MYH10: variants seen among roughly 807,000 people sequenced by gnomAD.
MYH10 encodes myosin-10.
Under a neutral mutation model 257.8 loss-of-function variants are expected in MYH10, and 55 were observed. The observed-to-expected ratio is 0.21, with a 90% CI of 0.17 to 0.27. The LOEUF (loss-of-function observed/expected upper bound fraction) is 0.27, where lower values mean the gene tolerates loss of function less well. Among genes scored for constraint, MYH10 ranks in the 10% least tolerant of loss-of-function variants. The pLI is 1.00. For synonymous variants in MYH10, 854 were observed against 921.7 expected (o/e 0.93, Z 1.33); for missense variants, 1,631 against 2,500.6 (o/e 0.65, Z 7.42).
In MYH10 at chr17:8,496,836, G is replaced by A. The variant is rs148976720; in HGVS notation, c.3952-1595C>T. On this transcript the variant is annotated intron_variant, in intron 30 of 42. Transcript: ENST00000360416. The stretch of plus-strand genomic sequence containing the variant: ...CACTATTTCCTGAACAATAAGGGTG[G>A]CTTTTCTCTAAACTGTCCATGTAAA... Among the ~76,000 whole-genome samples, 3 of 152,266 alleles carry A rather than the reference G, an allele frequency of 2.0e-5. No homozygotes were observed. In the East Asian group the frequency reaches 5.8e-4, roughly 29 times the overall value.
chr17:8,494,921 C>T (rs907383523), intron 31 of MYH10, among the ~76,000 whole-genome samples: 5 of 152,240 alleles, frequency 3.3e-5, no homozygotes, highest in African/African-American at 7.2e-5. Flanking sequence ...AGGCCACCCA[C>T]GTGCCTGCCA....
chr17:8,543,146 T>A (rs2082338747), intron 13 of MYH10, among the ~76,000 whole-genome samples: 1 of 152,226 alleles, frequency 6.6e-6, no homozygotes, highest in African/African-American at 2.4e-5. Flanking sequence ...CACAGCTGCA[T>A]GTGCCCATAA....
intron 2 of MYH10, among the ~76,000 whole-genome samples, chr17:8,618,442 T>C (rs984857276): frequency 2.0e-5 from 3 of 152,188 alleles, no homozygotes; most frequent in Non-Finnish European, 4.4e-5. Flanking sequence ...TTTCTCCATG[T>C]TGGTCAGGCT....
chr17:8,625,568 C>T (rs2085643988), intron 1 of MYH10, among the ~76,000 whole-genome samples: 1 of 152,016 alleles, frequency 6.6e-6, no homozygotes, highest in Non-Finnish European at 1.5e-5. Context: ...CAACCTCTGC[C>T]TCCAGGGTTC....
intron 1 of MYH10, among the ~76,000 whole-genome samples, chr17:8,627,301 G>A (rs2085720024): frequency 6.6e-6 from 1 of 152,136 alleles, no homozygotes; most frequent in South Asian, 2.1e-4. Flanking sequence ...GTATATAACA[G>A]GGGATCTGTA....
intron 8 of MYH10, 117 bp downstream of exon 8, chr17:8,553,838 C>G: frequency 1.3e-6 from 1 of 793,400 alleles, no homozygotes; most frequent in South Asian, 1.6e-5. Flanking sequence ...CATGCTATCT[C>G]TGGGCTCAAG....
At chr17:8,628,205 A>G (rs1392182037) in intron 1 of MYH10, among the ~76,000 whole-genome samples, 1 of 152,226 alleles carries the variant, frequency 6.6e-6, no homozygotes, top group Non-Finnish European at 1.5e-5. Context: ...GCGAACATAA[A>G]GATGGTCTGA....
intron 37 of MYH10, among the ~76,000 whole-genome samples, chr17:8,482,523 T>C (rs1914008043): frequency 1.3e-5 from 2 of 152,192 alleles, no homozygotes; most frequent in South Asian, 2.1e-4. Flanking sequence ...CTCTGGTGTT[T>C]TGTCTTCTTG....
intron 2 of MYH10, among the ~76,000 whole-genome samples, chr17:8,610,151 A>G (rs1227723554): frequency 1.3e-5 from 2 of 151,522 alleles, no homozygotes; most frequent in Non-Finnish European, 2.9e-5. Context: ...ATCAATCTCA[A>G]CATCATAAAG....
At chr17:8,574,947 T>C (rs576743631) in intron 6 of MYH10, among the ~76,000 whole-genome samples, 3 of 152,326 alleles carry the variant, frequency 2.0e-5, no homozygotes, top group South Asian at 2.1e-4. Flanking sequence ...CTCAGTTGTG[T>C]TGGGGAAGAA....
intron 27 of MYH10, among the ~76,000 whole-genome samples, chr17:8,505,706 TGA>T (rs2081053888): frequency 6.6e-6 from 1 of 152,102 alleles, no homozygotes; most frequent in African/African-American, 2.4e-5. Flanking sequence ...ACAGGCTGGG[TGA>T]GGTGGCTCAC....
intron 7 of MYH10, among the ~76,000 whole-genome samples, chr17:8,560,195 CT>C (rs952730276): frequency 4.0e-5 from 6 of 151,134 alleles, no homozygotes; most frequent in Non-Finnish European, 5.9e-5. Flanking sequence ...ATACTATTTC[CT>C]TTTTTTTTCT....
chr17:8,577,354 A>G lies in MYH10; in HGVS notation c.531-16T>C. The G allele has an allele frequency of 6.3e-7, 1 of 1,580,274 alleles. No individual in the cohort carries two copies. The highest frequency in any genetic ancestry group is 8.7e-7 in the Non-Finnish European group (1 of 1,155,706). ...TGACTCACCCCTGAAAGAAAGAGTTAATATAGGCTGCTTTAACGAAAGCAC... is the reference window on the plus strand; with the variant it reads ...TGACTCACCCCTGAAAGAAAGAGTTGATATAGGCTGCTTTAACGAAAGCAC... On this transcript the variant is annotated splice_polypyrimidine_tract_variant and intron_variant, in intron 4 of 42. Transcript: ENST00000360416.
chr17:8,561,895 A>G (rs940901640), intron 7 of MYH10, among the ~76,000 whole-genome samples: 1 of 152,146 alleles, frequency 6.6e-6, no homozygotes, highest in African/African-American at 2.4e-5. Flanking sequence ...AGAGCAGTGA[A>G]AGAAGAGATG....
Position 8,513,830 on chromosome 17 carries a change from A to G in MYH10, c.2569T>C (p.Tyr857His). ...CACTGCCAGTGCCGTAATTTCAGGTACGCGGCACAGTTCCGCTGCAAGACC... is the reference window on the plus strand; with the variant it reads ...CACTGCCAGTGCCGTAATTTCAGGTGCGCGGCACAGTTCCGCTGCAAGACC... ...LKVLQRNCAAYLKLRHWQWWR... is the reference protein window; with the variant it reads ...LKVLQRNCAAHLKLRHWQWWR... The change falls in exon 22 of 43, where the codon TAC becomes CAC. Residue 857 changes from tyrosine (Y) to histidine (H), a missense_variant. By Grantham distance (83) the Tyr-to-His change is moderately conservative. Transcript: ENST00000360416. 1 of 1,614,224 alleles carries G rather than the reference A, an allele frequency of 6.2e-7. No homozygotes were observed. Among genetic ancestry groups the G allele is most frequent in the Non-Finnish European group, 8.5e-7 (1 of 1,180,036 alleles).
chr17:8,624,657 A>G (rs1442150707), intron 1 of MYH10, among the ~76,000 whole-genome samples: 1 of 152,212 alleles, frequency 6.6e-6, no homozygotes, highest in Non-Finnish European at 1.5e-5. Flanking sequence ...AATGGTATAA[A>G]AATATTATGC....
In MYH10 at chr17:8,475,810, T is replaced by C. The variant is rs1156730196; in HGVS notation, c.6018A>G (p.Ser2006=). 1.2e-6 allele frequency: 2 copies of C among 1,614,052 alleles called. No individual in the cohort carries two copies. Among genetic ancestry groups the C allele is most frequent in the Non-Finnish European group, 8.5e-7 (1 of 1,179,926 alleles). The change falls in exon 43 of 43, where the codon TCA becomes TCG. Residue 2006 remains serine (S), a synonymous_variant. Transcript: ENST00000360416. The part of the protein sequence containing the change: ...SDVNETQPPQ[S]E Reference sequence around the variant, plus strand: ...CCTCTGGCTTCCTGCAACTTTACTCTGACTGGGGTGGCTGCGTCTCGTTGA... The same window carrying C: ...CCTCTGGCTTCCTGCAACTTTACTCCGACTGGGGTGGCTGCGTCTCGTTGA...
At chr17:8,604,134 C>T (rs1299854962) in intron 3 of MYH10, among the ~76,000 whole-genome samples, 2 of 151,998 alleles carry the variant, frequency 1.3e-5, no homozygotes, top group Non-Finnish European at 2.9e-5. Context: ...AATTTAGTAA[C>T]AAAAAATACA....
At chr17:8,513,416 C>T in intron 23 of MYH10, 122 bp downstream of exon 23, 2 of 1,414,254 alleles carry the variant, frequency 1.4e-6, no homozygotes, top group Non-Finnish European at 1.9e-6. Context: ...AAAAGGCCTC[C>T]CATAAAATAA....
Sources: allele counts gnomAD v4.1 joint callset (sites outside exome capture counted in the v4.1 genomes callset), GRCh38; gene constraint gnomAD v4.1.1; transcripts MANE v1.5; gene names NCBI Gene and HGNC (gene_info 2026-07-23, HGNC 2026-07-21).